The following RELT variants were observed in gnomAD, a reference collection of about 807,000 sequenced individuals.
The protein encoded by RELT is RELT TNF receptor, also known as tumor necrosis factor receptor superfamily member 19L.
RELT carries 37 observed loss-of-function variants against 51.1 expected under a neutral mutation model. The ratio of observed to expected loss-of-function variants is 0.72; its 90% CI spans 0.56 to 0.95. RELT has a LOEUF of 0.95. Among genes scored for constraint, RELT ranks in the 40% least tolerant of loss-of-function variants. The pLI is 0.00. For missense variants in RELT, 535 were observed against 572.6 expected, an observed-to-expected ratio of 0.93 and a Z score of 0.67; for synonymous variants, 241 against 235.7, an observed-to-expected ratio of 1.02 and a Z score of -0.21.
chr11:73,386,062 G>A (rs558964764), intron 1 of RELT, among the ~76,000 whole-genome samples: 156 of 152,300 alleles, frequency 1.0e-3, no homozygotes, highest in Non-Finnish European at 1.9e-3. Context: ...AAAACTTCGC[G>A]ACAGCCATGC....
At position 73,390,883 on chromosome 11, in the gene RELT, G is replaced by A. The variant is rs1202564597; in HGVS notation, c.249G>A (p.Met83Ile). Residue 83 changes from methionine to isoleucine, a missense_variant, in exon 4 of 11, where the codon ATG (methionine) becomes ATA (isoleucine). Met to Ile is a conservative substitution (Grantham distance 10). Coordinates refer to ENST00000064780, the MANE Select transcript of RELT (RefSeq NM_152222.2). ...GGAGGCTGGAGGCCCAGGTGGGCATGGCAACTCGAGATACACTCTGTGGAG... is the reference window on the plus strand; with the variant it reads ...GGAGGCTGGAGGCCCAGGTGGGCATAGCAACTCGAGATACACTCTGTGGAG... ...LWRRLEAQVG[M>I]ATRDTLCGDC... 3 of 1,613,294 alleles carry A rather than the reference G, an allele frequency of 1.9e-6. No individual in the cohort carries two copies. In the African/African-American group the frequency reaches 4.0e-5, roughly 22 times the overall value.
chr11:73,377,838 T>TG (rs1368290786), intron 1 of RELT, among the ~76,000 whole-genome samples: 2 of 151,678 alleles, frequency 1.3e-5, no homozygotes, highest in African/African-American at 2.4e-5. Context: ...AAGACTGCAG[T>TG]GGGGGGTGGG....
chr11:73,390,205 T>G (rs56411180), intron 2 of RELT, among the ~76,000 whole-genome samples: 38,738 of 151,810 alleles, frequency 0.26, 5,380 homozygotes, highest in African/African-American at 0.35. Flanking sequence ...TAGGAGGAAG[T>G]GGGGGCAGAA....
At chr11:73,392,758 G>T in intron 6 of RELT, 1 of 1,357,890 alleles carries the variant, frequency 7.4e-7, no homozygotes, top group Non-Finnish European at 9.5e-7. Context: ...CCACAGTTGT[G>T]TGTATGGTTC....
chr11:73,379,985 G>A (rs933024061), intron 1 of RELT, among the ~76,000 whole-genome samples: 1 of 152,104 alleles, frequency 6.6e-6, no homozygotes, highest in Non-Finnish European at 1.5e-5. Flanking sequence ...GAACCCTCTT[G>A]GCCATCCAGA....
rs993886384 is a variant in RELT at position 73,388,308 on chromosome 11, C to T, written c.-25-804C>T. Among the ~76,000 whole-genome samples the T allele has an allele frequency of 1.3e-5, 2 of 152,188 alleles. No homozygotes were observed. Among genetic ancestry groups the T allele is most frequent in the Non-Finnish European group, 1.5e-5 (1 of 68,028 alleles). Reference sequence around the variant, plus strand: ...GGGACCTTGTCTGTCTTGTTCATACCGATTTCTCCAGTGCCCGCACGCAGT... The same window carrying T: ...GGGACCTTGTCTGTCTTGTTCATACTGATTTCTCCAGTGCCCGCACGCAGT... On this transcript the variant is annotated intron_variant, in intron 1 of 10. Transcript: ENST00000064780. This position sits in a 1 kb window ranked among gnomAD's most constrained non-coding sequence, Gnocchi z 4.1.
In RELT at chr11:73,395,822, A is replaced by G. The variant is rs1169377513; in HGVS notation, c.*331A>G. ...TATCATCAGAGGCTGGGCTTGGCAG[A>G]GGGGAGGGGCCTGTGCCCGTCACCC... On this transcript the variant is annotated 3_prime_UTR_variant, in exon 11 of 11. Coordinates refer to ENST00000064780, the MANE Select transcript of RELT (RefSeq NM_152222.2). 16 of 453,598 alleles carry G rather than the reference A, an allele frequency of 3.5e-5. No homozygotes were observed. The highest frequency in any genetic ancestry group is 3.3e-4 in the Admixed American group (9 of 27,410). The allele number at this position is 453,598 out of a possible 1,614,324, so 28.1% of individuals were successfully genotyped here. A position where few individuals can be genotyped will look rare whatever the true frequency, so the allele number is the denominator to read the frequency against.
rs758003104 is a variant in RELT, at chr11:73,388,979, C to T, written c.-25-133C>T. 7.9e-6 allele frequency: 5 copies of T among 634,400 alleles called. No homozygotes were observed. The highest frequency in any genetic ancestry group is 1.8e-5 in the African/African-American group (1 of 54,384). The allele number at this position is 634,400 out of a possible 1,614,324, so 39.3% of individuals were successfully genotyped here. ...TGCTTGCGGGTGTGGAGCCGGCCTC[C>T]CCGGGCTCTGCCTGCCCAGCAGCAC... On this transcript the variant is annotated intron_variant, in intron 1 of 10. Transcript: ENST00000064780. The surrounding 1 kb of genome is among the most constrained non-coding windows in gnomAD (Gnocchi z 4.1).
At chr11:73,385,979 T>C (rs1866117254) in intron 1 of RELT, among the ~76,000 whole-genome samples, 1 of 152,216 alleles carries the variant, frequency 6.6e-6, no homozygotes, top group Admixed American at 6.5e-5. Context: ...TGAGCTGTGA[T>C]CGTGCTACTG....
chr11:73,394,994 C>G lies in RELT; in HGVS notation c.1047-93C>G. 1 of 1,185,614 alleles carries G rather than the reference C, an allele frequency of 8.4e-7. No individual in the cohort carries two copies. Among genetic ancestry groups the G allele is most frequent in the Non-Finnish European group, 1.2e-6 (1 of 815,856 alleles). The allele number at this position is 1,185,614 out of a possible 1,614,324, so 73.4% of individuals were successfully genotyped here. On this transcript the variant is annotated intron_variant, in intron 9 of 10. Transcript: ENST00000064780. This position sits in a 1 kb window ranked among gnomAD's most constrained non-coding sequence, Gnocchi z 4.9. ...GGGCCTCTCAGGCTAAGGCTCTGGTCCATGAACTTGCTGTGTGACCCCGGG... is the reference window on the plus strand; with the variant it reads ...GGGCCTCTCAGGCTAAGGCTCTGGTGCATGAACTTGCTGTGTGACCCCGGG...
intron 1 of RELT, among the ~76,000 whole-genome samples, chr11:73,380,050 CCCTT>C (rs1866027600): frequency 6.6e-6 from 1 of 152,250 alleles, no homozygotes; most frequent in Non-Finnish European, 1.5e-5. Flanking sequence ...AAATTAGTCT[CCCTT>C]CATTGTTGTG....
At chr11:73,389,079 C>T (rs780820020) in intron 1 of RELT, 33 bp from the exon 2 acceptor site, 16 of 1,174,882 alleles carry the variant, frequency 1.4e-5, no homozygotes, top group Admixed American at 2.0e-5. Context: ...CTGTCCCTGC[C>T]GCTCTGCCGA....
intron 5 of RELT, chr11:73,391,867 C>T (rs1380342621): frequency 2.3e-6 from 1 of 437,738 alleles, no homozygotes; most frequent in African/African-American, 2.0e-5. Context: ...CCCCCTGAGG[C>T]ACTAGATTCA....
intron 6 of RELT, chr11:73,393,076 T>C (rs1292509794): frequency 1.0e-6 from 1 of 997,094 alleles, no homozygotes; most frequent in Non-Finnish European, 1.2e-6. Context: ...TGGGAGCCTG[T>C]GGCTACCTCA....
chr11:73,390,481 G>A (rs887713657), intron 2 of RELT, 70 bp from the exon 3 acceptor site: 2 of 1,403,308 alleles, frequency 1.4e-6, no homozygotes, highest in Non-Finnish European at 2.0e-6. Flanking sequence ...GAAATAGGTG[G>A]GGGATAGATG....
chr11:73,395,577 G>C lies in RELT; in HGVS notation c.*86G>C, dbSNP rs1866306065. 1.3e-6 allele frequency: 1 copy of C among 774,482 alleles called. No individual in the cohort carries two copies. Among genetic ancestry groups the C allele is most frequent in the Admixed American group, 1.7e-5 (1 of 58,696 alleles). The allele number at this position is 774,482 out of a possible 1,614,324, so 48.0% of individuals were successfully genotyped here. On this transcript the variant is annotated 3_prime_UTR_variant, in exon 11 of 11. Transcript: ENST00000064780. ...AGGAGGTGGAGCTGCAGCTGGGACT[G>C]TGAGGACCGAGAAGCAATGGCCCAG... is the stretch of plus-strand genomic sequence containing the variant.
chr11:73,395,476 C>T lies in RELT; in HGVS notation c.1278C>T (p.Ser426=). 1 of 799,590 alleles carries T rather than the reference C, an allele frequency of 1.3e-6. No homozygotes were observed. The highest frequency in any genetic ancestry group is 2.3e-6 in the Non-Finnish European group (1 of 435,188). The allele number at this position is 799,590 out of a possible 1,614,324, so 49.5% of individuals were successfully genotyped here. The change falls in exon 11 of 11, where the codon AGC becomes AGT. Residue 426 remains serine, a synonymous_variant. Transcript: ENST00000064780. ...ENRYVVRLSE[S]NLVI is the part of the protein sequence containing the mutation. The stretch of plus-strand genomic sequence containing the variant: ...GCTATGTGGTCCGGCTAAGTGAGAG[C>T]AACCTGGTCATCTGAGGGGCGGTCT...
At position 73,392,283 on chromosome 11, in the gene RELT, C is replaced by T. The variant is rs528714315; in HGVS notation, c.440C>T (p.Pro147Leu). 5.1e-4 allele frequency: 816 copies of T among 1,613,196 alleles called. 3 individuals are homozygous for T. Among genetic ancestry groups the T allele is most frequent in the Non-Finnish European group, 6.6e-4 (778 of 1,179,842 alleles). ...AGCAGCGGTGGTGAGACACGGCAGC[C>T]TGGGAACGGCACCCGGGCAGGTGGC... is the stretch of plus-strand genomic sequence containing the variant. ...GASSGGETRQPGNGTRAGGPE... is the reference protein window; with the variant it reads ...GASSGGETRQLGNGTRAGGPE... The change falls in exon 6 of 11, where the codon CCT (proline) becomes CTT (leucine). Residue 147 changes from proline (P) to leucine (L), a missense_variant. By Grantham distance (98) the Pro-to-Leu change is moderately conservative. Transcript: ENST00000064780.
chr11:73,377,550 C>A (rs1865989206), intron 1 of RELT, among the ~76,000 whole-genome samples: 1 of 151,936 alleles, frequency 6.6e-6, no homozygotes, highest in Non-Finnish European at 1.5e-5. Flanking sequence ...GGTAGGGGCC[C>A]TGTGGTAGTC....
Sources: allele counts gnomAD v4.1 joint callset (sites outside exome capture counted in the v4.1 genomes callset), GRCh38; gene constraint gnomAD v4.1.1; non-coding constraint Gnocchi (gnomAD v3.1); transcripts MANE v1.5; gene names NCBI Gene and HGNC (gene_info 2026-07-23, HGNC 2026-07-21).